The following CSAG1 variants were observed in gnomAD, a reference collection of about 807,000 sequenced individuals.
CSAG1 encodes the protein chondrosarcoma associated gene 1, also known as chondrosarcoma-associated gene 1 protein.
CSAG1 carries 4 observed loss-of-function variants against 4.8 expected under a neutral mutation model. That is an observed-to-expected ratio of 0.83 (90% CI 0.41 to 1.90). The LOEUF is 1.90. CSAG1 is among the 40% of genes most tolerant of loss of function. The probability of loss-of-function intolerance (pLI) is 0.03; values close to 1 mark genes in which losing one functional copy is unlikely to be tolerated. For synonymous variants in CSAG1, 21 were observed against 23.1 expected, an observed-to-expected ratio of 0.91 and a Z score of 0.26; for missense variants, 69 against 59.5, an observed-to-expected ratio of 1.16 and a Z score of -0.53.
At chrX:152,730,692 C>A (rs1328756321) in intron 2 of CSAG1, among the ~76,000 whole-genome samples, 1 of 112,304 alleles carries the variant, frequency 8.9e-6, no homozygotes, top group Non-Finnish European at 1.9e-5. Flanking sequence ...GAAGCCCAAA[C>A]GGACTAAGAC....
intron 2 of CSAG1, among the ~76,000 whole-genome samples, chrX:152,730,572 C>T (rs868986751): frequency 1.8e-5 from 2 of 111,711 alleles, no homozygotes; most frequent in African/African-American, 6.5e-5. Flanking sequence ...CAGGACTCCA[C>T]CAGACATGAA....
At chrX:152,728,569 CA>C (rs148143505) in intron 2 of CSAG1, among the ~76,000 whole-genome samples, 60 of 109,484 alleles carry the variant, frequency 5.5e-4, no homozygotes, top group Admixed American at 5.2e-3. Flanking sequence ...TAGGAGGAAA[CA>C]AAAAAAAATT....
chrX:152,730,246 A>G (rs1446339303), intron 2 of CSAG1, among the ~76,000 whole-genome samples: 5 of 111,095 alleles, frequency 4.5e-5, no homozygotes, highest in Non-Finnish European at 9.5e-5. Context: ...TGAAAAACCT[A>G]TCAGTGGCAG....
Position 152,732,560 on chromosome X carries a change from C to T in CSAG1, c.-44-56G>A, listed in dbSNP as rs1335326776. The T allele has an allele frequency of 5.1e-6, 6 of 1,178,658 alleles. No homozygotes were observed. In the African/African-American group the frequency reaches 1.1e-4, roughly 21 times the overall value. On this transcript the variant is annotated intron_variant, in intron 1 of 3. Transcript: ENST00000452779. ...AAAAAACCAGTATTAGCAAGAAAATCTACACAACAAAACAGGGCCAGTCCA... is the reference window on the plus strand; with the variant it reads ...AAAAAACCAGTATTAGCAAGAAAATTTACACAACAAAACAGGGCCAGTCCA...
Position 152,728,211 on chromosome X carries a change from G to A in CSAG1, c.30C>T (p.Ala10=), listed in dbSNP as rs1556830829. Residue 10 remains alanine (A), a synonymous_variant, in exon 3 of 4, where the codon GCC becomes GCT. Coordinates refer to ENST00000452779, the MANE Select transcript of CSAG1 (RefSeq NM_001102576.3). ...CCCGAGCTTCCCCCAGGACAGTGAA[G>A]GCAGGCCAGCAGGCTAGAAACTCAC... MSATTACWP[A]FTVLGEARGD... 2.8e-5 allele frequency: 34 copies of A among 1,208,450 alleles called. No individual in the cohort carries two copies. The African/African-American group carries it at 5.8e-4, about 21-fold the overall frequency.
At chrX:152,729,786 C>A (rs1932116016) in intron 2 of CSAG1, among the ~76,000 whole-genome samples, 1 of 110,386 alleles carries the variant, frequency 9.1e-6, no homozygotes, top group Non-Finnish European at 1.9e-5. Flanking sequence ...CAACATGGCA[C>A]AGCCACTTTG....
chrX:152,732,821 G>A (rs1458503628), intron 1 of CSAG1, among the ~76,000 whole-genome samples: 1 of 111,915 alleles, frequency 8.9e-6, no homozygotes, highest in African/African-American at 3.3e-5. Context: ...CAGGAAAATT[G>A]GGTTTGTTAA....
chrX:152,728,151 G>T lies in CSAG1; in HGVS notation c.90C>A (p.Asp30Glu), dbSNP rs1229930136. ...TCCTGGACATCTTCACCAGACCAGT[G>T]TCTCTGTACAGTCTACTCCAGTCCA... is the stretch of plus-strand genomic sequence containing the variant. ...DQVDWSRLYR[D>E]TGLVKMSRKP... The change falls in exon 3 of 4, where the codon GAC becomes GAA. Residue 30 changes from aspartate to glutamate, a missense_variant. Coordinates refer to ENST00000452779, the MANE Select transcript of CSAG1 (RefSeq NM_001102576.3). The T allele has an allele frequency of 8.3e-7, 1 of 1,209,095 alleles. No homozygotes were observed. The highest frequency in any genetic ancestry group is 1.8e-5 in the African/African-American group (1 of 56,836).
Position 152,732,452 on chromosome X carries a change from C to G in CSAG1, c.9G>C (p.Ala3=). ...TACAATTTAGTGCCTTACCTGTAGT[C>G]GCCGACATTACAAGCAAATTTGGGC... The part of the protein sequence containing the change: MS[A]TTACWPAFTV... The change falls in exon 2 of 4, where the codon GCG becomes GCC. Residue 3 remains alanine, a synonymous_variant. Transcript: ENST00000452779. 1 of 1,206,989 alleles carries G rather than the reference C, an allele frequency of 8.3e-7. No homozygotes were observed. The highest frequency in any genetic ancestry group is 2.2e-5 in the Admixed American group (1 of 45,176).
intron 2 of CSAG1, among the ~76,000 whole-genome samples, chrX:152,730,207 A>T (rs189879913): frequency 5.4e-5 from 6 of 110,458 alleles, no homozygotes; most frequent in Non-Finnish European, 3.8e-5. Context: ...TATTTATATG[A>T]CATTCAGGAA....
chrX:152,727,997 A>T, intron 3 of CSAG1, 77 bp downstream of exon 3: 7 of 1,209,730 alleles, frequency 5.8e-6, no homozygotes, highest in Non-Finnish European at 7.8e-6. Flanking sequence ...ACAGGGTAGG[A>T]GTCAGAGCTT....
chrX:152,732,121 T>C (rs1337318008), intron 2 of CSAG1, among the ~76,000 whole-genome samples: 1 of 112,572 alleles, frequency 8.9e-6, no homozygotes, highest in Non-Finnish European at 1.9e-5. Flanking sequence ...ATGTGGAATA[T>C]TCAAGTGCAT....
chrX:152,729,982 G>T (rs1433342907), intron 2 of CSAG1, among the ~76,000 whole-genome samples: 1 of 40,919 alleles, frequency 2.4e-5, no homozygotes, highest in Non-Finnish European at 5.4e-5. Context: ...TATTTCATTT[G>T]GTGAATGGAT....
intron 2 of CSAG1, among the ~76,000 whole-genome samples, chrX:152,728,810 G>A (rs1556831124): frequency 6.8e-4 from 75 of 110,811 alleles, no homozygotes; most frequent in African/African-American, 2.2e-3. Flanking sequence ...TGCAGAGAGC[G>A]CGCGAGAGAG....
rs1220407757 is a variant in CSAG1 at position 152,730,009 on chromosome X, T to TATATATATATATATATATATATATATAC, written c.17-1786_17-1785insGTATATATATATATATATATATATATAT. Among the ~76,000 whole-genome samples, 36 of 54,973 alleles carry TATATATATATATATATATATATATATAC rather than the reference T, an allele frequency of 6.5e-4. 1 individual carries two copies. Among genetic ancestry groups the TATATATATATATATATATATATATATAC allele is most frequent in the African/African-American group, 1.9e-3 (32 of 17,071 alleles). The allele number at this position is 54,973 out of a possible 115,157, so 47.7% of individuals were successfully genotyped here. ...TGAATGGATTATATATATATATATATACACACATACACACACACACGCATT... is the reference window on the plus strand; with the variant it reads ...TGAATGGATTATATATATATATATATATATATATATATATATATATATATATACACACACATACACACACACACGCATT... On this transcript the variant is annotated intron_variant, in intron 2 of 3. Coordinates refer to ENST00000452779, the MANE Select transcript of CSAG1 (RefSeq NM_001102576.3).
At chrX:152,730,015 C>T (rs1932124000) in intron 2 of CSAG1, among the ~76,000 whole-genome samples, 36 of 37,353 alleles carry the variant, frequency 9.6e-4, no homozygotes, top group East Asian at 5.1e-3. Flanking sequence ...TATATACACA[C>T]ATACACACAC....
intron 3 of CSAG1, 55 bp from the exon 4 acceptor site, chrX:152,727,918 A>C: frequency 8.4e-7 from 1 of 1,191,368 alleles, no homozygotes; most frequent in Non-Finnish European, 1.1e-6. Context: ...AAGAGGATGG[A>C]GGAGGGGTGA....
chrX:152,729,623 A>T (rs1185753290), intron 2 of CSAG1, among the ~76,000 whole-genome samples: 2 of 112,112 alleles, frequency 1.8e-5, no homozygotes, highest in African/African-American at 3.2e-5. Context: ...GTGTTTTGTC[A>T]TTAGATAATT....
chrX:152,730,638 T>A (rs1235991491), intron 2 of CSAG1, among the ~76,000 whole-genome samples: 1 of 110,592 alleles, frequency 9.0e-6, no homozygotes, highest in Non-Finnish European at 1.9e-5. Flanking sequence ...AGAAATAAAG[T>A]TGTGTTGTTT....
Sources: gnomAD v4.1 joint callset for allele counts (sites outside exome capture counted in the v4.1 genomes callset) on GRCh38, gnomAD v4.1.1 for gene constraint, MANE v1.5 for transcripts, NCBI Gene and HGNC (gene_info 2026-07-23, HGNC 2026-07-21) for gene names.